C3orf70: variants seen among roughly 807,000 people sequenced by gnomAD.
The protein encoded by C3orf70 is chromosome 3 open reading frame 70.
C3orf70 carries 15 observed loss-of-function variants against 20.7 expected under a neutral mutation model. The ratio of observed to expected loss-of-function variants is 0.72; its 90% CI spans 0.48 to 1.11. The LOEUF (loss-of-function observed/expected upper bound fraction) is 1.11. Ranked by LOEUF, C3orf70 falls within the 50% of genes most tolerant of loss-of-function variation. The probability of loss-of-function intolerance (pLI) is 0.00; values close to 1 mark genes in which losing one functional copy is unlikely to be tolerated. For missense variants in C3orf70, 332 were observed against 317.6 expected (o/e 1.05, Z -0.34); for synonymous variants, 161 against 125.7 (o/e 1.28, Z -1.88).
Position 185,085,080 on chromosome 3 carries a change from A to G in C3orf70, c.197-1517T>C, listed in dbSNP as rs994592765. On this transcript the variant is annotated intron_variant, in intron 1 of 1. Coordinates refer to ENST00000335012, the MANE Select transcript of C3orf70 (RefSeq NM_001025266.3). ...AGATGCCAGTAGCAGCTCCTTCTCA[A>G]ATGAGACAAATTCCCCAACGGGTGA... Among the ~76,000 whole-genome samples, 20 of 152,112 alleles carry G rather than the reference A, an allele frequency of 1.3e-4. 1 individual carries two copies. The highest frequency in any genetic ancestry group is 4.8e-4 in the African/African-American group (20 of 41,418).
Position 185,091,086 on chromosome 3 carries a change from A to G in C3orf70, c.197-7523T>C, listed in dbSNP as rs576443898. 2.8e-3 allele frequency among the ~76,000 whole-genome samples: 421 copies of G among 152,162 alleles called. 1 individual carries two copies. Among genetic ancestry groups the G allele is most frequent in the African/African-American group, 9.8e-3 (406 of 41,432 alleles). On this transcript the variant is annotated intron_variant, in intron 1 of 1. Coordinates refer to ENST00000335012, the MANE Select transcript of C3orf70 (RefSeq NM_001025266.3). ...ATGCTATGGGGAAATAAGATGAAGT[A>G]GAGTATGTAGTCATGCTTCTATAGG...
At chr3:185,141,886 A>G (rs1231137537) in intron 1 of C3orf70, among the ~76,000 whole-genome samples, 4 of 152,074 alleles carry the variant, frequency 2.6e-5, no homozygotes, top group Non-Finnish European at 5.9e-5. Context: ...ATCTCTTAAT[A>G]AAAATAAGCA....
intron 1 of C3orf70, among the ~76,000 whole-genome samples, chr3:185,127,973 C>T (rs1042039003): frequency 6.6e-6 from 1 of 152,154 alleles, no homozygotes; most frequent in Non-Finnish European, 1.5e-5. Context: ...CAAAGTTAAG[C>T]ATAAACCTCT....
chr3:185,085,102 G>A (rs1045684860), intron 1 of C3orf70, among the ~76,000 whole-genome samples: 1 of 152,104 alleles, frequency 6.6e-6, no homozygotes, highest in African/African-American at 2.4e-5. Context: ...TCCCCAACGG[G>A]TGAAATCACC....
chr3:185,085,605 C>T (rs1256013242), intron 1 of C3orf70, among the ~76,000 whole-genome samples: 1 of 151,106 alleles, frequency 6.6e-6, no homozygotes, highest in East Asian at 2.0e-4. Context: ...CCCAGTCACA[C>T]CTGCCTGGGG....
At chr3:185,107,230 T>G (rs902964961) in intron 1 of C3orf70, among the ~76,000 whole-genome samples, 20 of 152,306 alleles carry the variant, frequency 1.3e-4, no homozygotes, top group Middle Eastern at 3.4e-3. Flanking sequence ...GCCCCTGAAG[T>G]ATATCAAAGT....
chr3:185,089,094 C>G (rs545136542), intron 1 of C3orf70, among the ~76,000 whole-genome samples: 3 of 152,146 alleles, frequency 2.0e-5, no homozygotes, highest in Admixed American at 6.5e-5. Flanking sequence ...AAGATGCCCA[C>G]GAAAGAACAC....
chr3:185,081,324 G>C lies in C3orf70; in HGVS notation c.*1683C>G, dbSNP rs1023605649. 6.6e-6 allele frequency: 1 copy of C among 152,022 alleles called. No homozygotes were observed. Among genetic ancestry groups the C allele is most frequent in the African/African-American group, 2.4e-5 (1 of 41,342 alleles). 9.4% of individuals were successfully genotyped at this position (152,022 alleles called of 1,614,324 possible). A position where few individuals can be genotyped will look rare whatever the true frequency, so the allele number is the denominator to read the frequency against. Reference sequence around the variant, plus strand: ...AGCTACTCAGGAGGCTGAGGCAGGAGAATCGCTTGACCCCAGGAGGCAGAG... The same window carrying C: ...AGCTACTCAGGAGGCTGAGGCAGGACAATCGCTTGACCCCAGGAGGCAGAG... On this transcript the variant is annotated 3_prime_UTR_variant, in exon 2 of 2. Coordinates refer to ENST00000335012, the MANE Select transcript of C3orf70 (RefSeq NM_001025266.3).
chr3:185,105,210 A>G (rs1411020373), intron 1 of C3orf70, among the ~76,000 whole-genome samples: 1 of 152,244 alleles, frequency 6.6e-6, no homozygotes, highest in Non-Finnish European at 1.5e-5. Context: ...ATGTGTTGGG[A>G]GCAGGCCCCC....
intron 1 of C3orf70, among the ~76,000 whole-genome samples, chr3:185,115,346 A>T (rs932511434): frequency 6.6e-6 from 1 of 152,218 alleles, no homozygotes; most frequent in African/African-American, 2.4e-5. Flanking sequence ...CAGAAAAAAA[A>T]TAAACTGATA....
intron 1 of C3orf70, among the ~76,000 whole-genome samples, chr3:185,085,611 T>G (rs1385225717): frequency 6.7e-6 from 1 of 150,106 alleles, no homozygotes; most frequent in African/African-American, 2.5e-5. Flanking sequence ...CACACCTGCC[T>G]GGGGGAACTA....
chr3:185,125,384 A>AAAC lies in C3orf70; in HGVS notation c.196+27241_196+27243dup, dbSNP rs141336074. On this transcript the variant is annotated intron_variant, in intron 1 of 1. Transcript: ENST00000335012. ...AACAAGAGTGAAACTCCATCTCCAA[A>AAAC]AACAACAACAACAACAACAACAACA... Among the ~76,000 whole-genome samples the AAAC allele has an allele frequency of 1.5e-3, 221 of 149,914 alleles. 1 individual carries two copies. The highest frequency in any genetic ancestry group is 3.7e-3 in the East Asian group (19 of 5,068).
At position 185,152,732 on chromosome 3, in the gene C3orf70, C is replaced by T. The variant is rs1011326475; in HGVS notation, c.92G>A (p.Arg31His). Residue 31 changes from arginine (R) to histidine (H), a missense_variant, in exon 1 of 2, where the codon CGC becomes CAC. Physicochemically the swap from Arg to His is conservative, Grantham distance 29. Transcript: ENST00000335012. ...GTCGCACGGCTGGAAGTCGGGTCTG[C>T]GGGCGGCGCAACTCCGCGCCAGGGC... ...AQALARSCAA[R>H]RPDFQPCDGL... The T allele has an allele frequency of 1.5e-5, 24 of 1,593,314 alleles. No individual in the cohort carries two copies. Among genetic ancestry groups the T allele is most frequent in the Non-Finnish European group, 2.0e-5 (23 of 1,170,492 alleles).
chr3:185,112,603 AT>A (rs923846337), intron 1 of C3orf70, among the ~76,000 whole-genome samples: 34 of 152,304 alleles, frequency 2.2e-4, no homozygotes, highest in African/African-American at 7.7e-4. Context: ...ATATTCATTT[AT>A]TTTTACCATT....
At chr3:185,104,937 CA>C (rs1465549872) in intron 1 of C3orf70, among the ~76,000 whole-genome samples, 1 of 152,168 alleles carries the variant, frequency 6.6e-6, no homozygotes, top group Non-Finnish European at 1.5e-5. Flanking sequence ...ACCTTTATAA[CA>C]AACCTGCACA....
intron 1 of C3orf70, among the ~76,000 whole-genome samples, chr3:185,124,530 G>A (rs1318187183): frequency 1.3e-5 from 2 of 152,114 alleles, no homozygotes; most frequent in Non-Finnish European, 2.9e-5. Context: ...AAATAAAGGA[G>A]TCCTAGAAAT....
At chr3:185,127,016 AG>A (rs1423254862) in intron 1 of C3orf70, among the ~76,000 whole-genome samples, 1 of 152,226 alleles carries the variant, frequency 6.6e-6, no homozygotes, top group Non-Finnish European at 1.5e-5. Context: ...AAAGATCTCC[AG>A]TTAATCTGTT....
intron 1 of C3orf70, among the ~76,000 whole-genome samples, chr3:185,130,476 A>T (rs894105552): frequency 5.9e-5 from 9 of 152,176 alleles, no homozygotes; most frequent in Admixed American, 2.6e-4. Flanking sequence ...TGACCCACAT[A>T]CCATAAAATT....
Position 185,091,963 on chromosome 3 carries a change from ATTTT to A in C3orf70, c.197-8404_197-8401del, listed in dbSNP as rs146504613. Reference sequence around the variant, plus strand: ...TATATATATATATATATATATATATATTTTTTTTTTTTTTTAGTAGAGACAGGGT... The same window carrying A: ...TATATATATATATATATATATATATATTTTTTTTTTTAGTAGAGACAGGGT... On this transcript the variant is annotated intron_variant, in intron 1 of 1. Coordinates refer to ENST00000335012, the MANE Select transcript of C3orf70 (RefSeq NM_001025266.3). Among the ~76,000 whole-genome samples the A allele has an allele frequency of 8.4e-3, 131 of 15,686 alleles. 4 individuals are homozygous for A. Among genetic ancestry groups the A allele is most frequent in the South Asian group, 0.012 (5 of 434 alleles). The allele number at this position is 15,686 out of a possible 152,430, so 10.3% of individuals were successfully genotyped here. A position where few individuals can be genotyped will look rare whatever the true frequency, so the allele number is the denominator to read the frequency against.
Sources: gnomAD v4.1 joint callset for allele counts (sites outside exome capture counted in the v4.1 genomes callset) on GRCh38, gnomAD v4.1.1 for gene constraint, MANE v1.5 for transcripts, NCBI Gene and HGNC (gene_info 2026-07-23, HGNC 2026-07-21) for gene names.